The following ATRNL1 variants were observed in gnomAD, a reference collection of about 807,000 sequenced individuals.
The protein encoded by ATRNL1 is attractin like 1.
In ATRNL1, 95 loss-of-function variants were observed where a neutral mutation model predicts 182.7. The ratio of observed to expected loss-of-function variants is 0.52; its 90% CI spans 0.44 to 0.62. The LOEUF (loss-of-function observed/expected upper bound fraction) is 0.62, where lower values mean the gene tolerates loss of function less well. ATRNL1 is among the 20% of genes least tolerant of loss of function. The probability of loss-of-function intolerance (pLI) is 0.00; values close to 1 mark genes in which losing one functional copy is unlikely to be tolerated. For missense variants in ATRNL1, 1,471 were observed against 1,679.5 expected (o/e 0.88, Z 2.17); for synonymous variants, 576 against 568.3 (o/e 1.01, Z -0.19).
chr10:115,330,503 T>C (rs1554934712), intron 18 of ATRNL1, among the ~76,000 whole-genome samples: 1 of 152,104 alleles, frequency 6.6e-6, no homozygotes, highest in Non-Finnish European at 1.5e-5. Flanking sequence ...TTTGTTTATC[T>C]GGGAATGTCT....
chr10:115,667,949 G>A (rs377033743), intron 26 of ATRNL1, among the ~76,000 whole-genome samples: 2 of 151,986 alleles, frequency 1.3e-5, no homozygotes, highest in African/African-American at 4.8e-5. Flanking sequence ...ACAGGTGTGA[G>A]CCACCACACC....
At chr10:115,881,337 A>G (rs1453975985) in intron 28 of ATRNL1, among the ~76,000 whole-genome samples, 1 of 152,192 alleles carries the variant, frequency 6.6e-6, no homozygotes, top group Non-Finnish European at 1.5e-5. Flanking sequence ...GCCCTTAGCC[A>G]GGAGTCTTGT....
intron 26 of ATRNL1, among the ~76,000 whole-genome samples, chr10:115,648,531 A>G (rs573425389): frequency 2.8e-4 from 42 of 152,226 alleles, no homozygotes; most frequent in Non-Finnish European, 5.4e-4. Context: ...AGCTGGAGGC[A>G]TCATGCCACC....
At chr10:115,905,967 C>A (rs1220512790) in intron 28 of ATRNL1, among the ~76,000 whole-genome samples, 2 of 152,172 alleles carry the variant, frequency 1.3e-5, no homozygotes, top group African/African-American at 4.8e-5. Context: ...TGTTAAAACT[C>A]TTTTAAAATT....
intron 26 of ATRNL1, among the ~76,000 whole-genome samples, chr10:115,702,059 A>G (rs1379172368): frequency 6.6e-6 from 1 of 152,088 alleles, no homozygotes; most frequent in Non-Finnish European, 1.5e-5. Flanking sequence ...GCACGTCAAA[A>G]AGTTAATTCA....
chr10:115,193,684 T>C (rs546944000), intron 8 of ATRNL1, among the ~76,000 whole-genome samples: 2 of 152,044 alleles, frequency 1.3e-5, no homozygotes, highest in African/African-American at 2.4e-5. Context: ...CCTTTTGTAT[T>C]TTTTATTATT....
chr10:115,496,210 C>A (rs188200004), intron 24 of ATRNL1, among the ~76,000 whole-genome samples: 26 of 151,654 alleles, frequency 1.7e-4, no homozygotes, highest in Admixed American at 3.3e-4. Context: ...CTATGGGTGT[C>A]ATTGCACGTA....
chr10:115,619,390 T>C (rs1167513706), intron 26 of ATRNL1, among the ~76,000 whole-genome samples: 1 of 151,842 alleles, frequency 6.6e-6, no homozygotes, highest in Non-Finnish European at 1.5e-5. Flanking sequence ...GCATAGCAGT[T>C]CCACCAGTGA....
At chr10:115,371,009 G>C (rs930284858) in intron 19 of ATRNL1, among the ~76,000 whole-genome samples, 1 of 152,200 alleles carries the variant, frequency 6.6e-6, no homozygotes, top group Non-Finnish European at 1.5e-5. Context: ...AAGGGGCCAA[G>C]GTACAGCTTG....
intron 19 of ATRNL1, among the ~76,000 whole-genome samples, chr10:115,379,447 CA>C (rs762863355): frequency 1.8e-4 from 27 of 152,114 alleles, no homozygotes; most frequent in Non-Finnish European, 2.9e-4. Context: ...ATTTACTGTA[CA>C]ATGGTAATTC....
At chr10:115,230,742 G>A (rs1476991554) in intron 9 of ATRNL1, among the ~76,000 whole-genome samples, 2 of 152,090 alleles carry the variant, frequency 1.3e-5, no homozygotes, top group African/African-American at 4.8e-5. Context: ...TGATCTAAGA[G>A]GGAGATGATG....
chr10:115,135,827 C>A (rs1278831958), intron 5 of ATRNL1, among the ~76,000 whole-genome samples: 1 of 152,040 alleles, frequency 6.6e-6, no homozygotes, highest in East Asian at 1.9e-4. Flanking sequence ...TTTTGCTTAA[C>A]CTACCTGGTC....
chr10:115,215,496 G>T (rs911386520), intron 8 of ATRNL1, among the ~76,000 whole-genome samples: 1 of 152,034 alleles, frequency 6.6e-6, no homozygotes, highest in Admixed American at 6.6e-5. Context: ...TCTATGGAAA[G>T]ACCAGTGTTA....
In ATRNL1 at chr10:115,195,892, T is replaced by C. The variant is rs555273318; in HGVS notation, c.1349-19805T>C. 3.0e-4 allele frequency among the ~76,000 whole-genome samples: 46 copies of C among 152,260 alleles called. No homozygotes were observed. In the South Asian group the frequency reaches 3.5e-3, roughly 12 times the overall value. ...CCTTTGCCAAGCTCAAGGTCACATT[T>C]TTCTCATGCGTTTTCTAGGAGATGT... On this transcript the variant is annotated intron_variant, in intron 8 of 28. Transcript: ENST00000355044.
At chr10:115,642,732 A>G (rs781810598) in intron 26 of ATRNL1, among the ~76,000 whole-genome samples, 10 of 152,336 alleles carry the variant, frequency 6.6e-5, no homozygotes, top group Middle Eastern at 6.8e-3. Flanking sequence ...GGCCTGAACC[A>G]CTGCGCCTGG....
chr10:115,817,342 A>G (rs1327782909), intron 27 of ATRNL1, among the ~76,000 whole-genome samples: 2 of 152,156 alleles, frequency 1.3e-5, no homozygotes, highest in Non-Finnish European at 2.9e-5. Context: ...AACATGGATT[A>G]CATTCCCAGC....
chr10:115,785,722 C>T (rs887154615), intron 27 of ATRNL1, among the ~76,000 whole-genome samples: 3 of 152,216 alleles, frequency 2.0e-5, no homozygotes, highest in Non-Finnish European at 2.9e-5. Context: ...TTTCCCAAAT[C>T]ATAAAGTGCT....
chr10:115,209,331 C>G lies in ATRNL1; in HGVS notation c.1349-6366C>G, dbSNP rs12259440. On this transcript the variant is annotated intron_variant, in intron 8 of 28. Coordinates refer to ENST00000355044, the MANE Select transcript of ATRNL1 (RefSeq NM_207303.4). ...GCAATCATAGAGCCTACACTTGTTT[C>G]TGTTTCTTTTAGAGTCATAGTCCTA... Among the ~76,000 whole-genome samples the G allele has an allele frequency of 1.1e-4, 16 of 150,592 alleles. No homozygotes were observed. In the East Asian group the frequency reaches 2.9e-3, roughly 28 times the overall value.
At chr10:115,767,375 G>A (rs1039553598) in intron 27 of ATRNL1, among the ~76,000 whole-genome samples, 29 of 151,972 alleles carry the variant, frequency 1.9e-4, no homozygotes, top group African/African-American at 6.8e-4. Flanking sequence ...TTCTAGTCTT[G>A]AGGGTGGGAA....
Sources: allele counts gnomAD v4.1 joint callset (sites outside exome capture counted in the v4.1 genomes callset), GRCh38; gene constraint gnomAD v4.1.1; transcripts MANE v1.5; gene names NCBI Gene and HGNC (gene_info 2026-07-23, HGNC 2026-07-21).